The following EGFLAM variants were observed in gnomAD, a reference collection of about 807,000 sequenced individuals.
The protein encoded by EGFLAM is EGF like, fibronectin type III and laminin G domains.
In EGFLAM, 79 loss-of-function variants were observed where a neutral mutation model predicts 113.1. The ratio of observed to expected loss-of-function variants is 0.70; its 90% CI spans 0.58 to 0.84. The LOEUF is 0.84. Ranked by LOEUF, EGFLAM falls within the 40% of genes least tolerant of loss-of-function variation. EGFLAM has a pLI of 0.00. For missense variants in EGFLAM, 1,265 were observed against 1,291.6 expected (o/e 0.98, Z 0.32); for synonymous variants, 504 against 487.6 (o/e 1.03, Z -0.44).
intron 1 of EGFLAM, among the ~76,000 whole-genome samples, chr5:38,333,910 T>C (rs894163829): frequency 6.3e-5 from 9 of 143,658 alleles, no homozygotes. Context: ...ATTTTTATTG[T>C]TGAGGGTTTT....
intron 1 of EGFLAM, among the ~76,000 whole-genome samples, chr5:38,269,013 C>G (rs1757699379): frequency 6.6e-6 from 1 of 152,054 alleles, no homozygotes; most frequent in Admixed American, 6.5e-5. Flanking sequence ...CGCATCTCTA[C>G]TAAAATACAA....
At chr5:38,258,904 T>A in intron 1 of EGFLAM, 53 bp downstream of exon 1, 1 of 1,553,884 alleles carries the variant, frequency 6.4e-7, no homozygotes, top group Non-Finnish European at 8.7e-7. Context: ...CCTGCTGGGC[T>A]CCGGGGCGAG....
intron 17 of EGFLAM, among the ~76,000 whole-genome samples, chr5:38,447,807 A>G (rs1742766225): frequency 6.6e-6 from 1 of 152,148 alleles, no homozygotes; most frequent in Non-Finnish European, 1.5e-5. Context: ...AAGTGATCAG[A>G]AATGCGGGAG....
At chr5:38,378,455 C>T (rs1412301356) in intron 6 of EGFLAM, among the ~76,000 whole-genome samples, 2 of 152,150 alleles carry the variant, frequency 1.3e-5, no homozygotes, top group East Asian at 1.9e-4. Flanking sequence ...TCTTCTTTGG[C>T]GGCAATGCCC....
At chr5:38,266,588 G>A (rs1036194495) in intron 1 of EGFLAM, among the ~76,000 whole-genome samples, 1 of 152,106 alleles carries the variant, frequency 6.6e-6, no homozygotes, top group Admixed American at 6.5e-5. Flanking sequence ...TTTTCTATAG[G>A]TATTAAGGTA....
At chr5:38,439,721 A>G (rs1190189355) in intron 17 of EGFLAM, among the ~76,000 whole-genome samples, 4 of 152,232 alleles carry the variant, frequency 2.6e-5, no homozygotes, top group Non-Finnish European at 5.9e-5. Flanking sequence ...TATCCTGATT[A>G]GAATCCTAAC....
At chr5:38,447,329 C>G (rs1258547480) in intron 17 of EGFLAM, among the ~76,000 whole-genome samples, 2 of 152,200 alleles carry the variant, frequency 1.3e-5, no homozygotes, top group South Asian at 4.1e-4. Context: ...AGGCCTAGTG[C>G]TCTCTTAACT....
chr5:38,396,045 T>G (rs1554011177), intron 6 of EGFLAM, among the ~76,000 whole-genome samples: 2 of 112,646 alleles, frequency 1.8e-5, no homozygotes, highest in Non-Finnish European at 3.7e-5. Flanking sequence ...TGTGTTCACA[T>G]TCACTGTACC....
intron 6 of EGFLAM, among the ~76,000 whole-genome samples, chr5:38,370,917 G>C (rs1264676161): frequency 6.6e-6 from 1 of 152,220 alleles, no homozygotes; most frequent in African/African-American, 2.4e-5. Flanking sequence ...GAGTATCAAA[G>C]AAGTTGAGCG....
intron 1 of EGFLAM, among the ~76,000 whole-genome samples, chr5:38,298,524 G>C (rs1258714054): frequency 6.6e-6 from 1 of 152,100 alleles, no homozygotes; most frequent in Admixed American, 6.5e-5. Flanking sequence ...TTGGGGTTTT[G>C]AGATGGTATT....
rs12187044 is a variant in EGFLAM, at chr5:38,323,797, G to A, written c.98-13723G>A. On this transcript the variant is annotated intron_variant, in intron 1 of 21. Transcript: ENST00000322350. ...GGCACAGTGGCTCATGTCTGTAATC[G>A]TAGCACTTTGGGAGGCCAAGGTGGG... is the stretch of plus-strand genomic sequence containing the variant. Among the ~76,000 whole-genome samples the A allele has an allele frequency of 1.2e-4, 18 of 151,818 alleles. No homozygotes were observed. In the East Asian group the frequency reaches 3.1e-3, roughly 26 times the overall value.
chr5:38,436,946 C>T (rs989551599), intron 16 of EGFLAM, among the ~76,000 whole-genome samples: 2 of 152,200 alleles, frequency 1.3e-5, no homozygotes, highest in Admixed American at 6.5e-5. Flanking sequence ...AGCTTAGATT[C>T]GTGGCAGGAA....
intron 1 of EGFLAM, among the ~76,000 whole-genome samples, chr5:38,315,192 A>T (rs1005465783): frequency 6.6e-6 from 1 of 152,160 alleles, no homozygotes; most frequent in Non-Finnish European, 1.5e-5. Flanking sequence ...GTGACTTTGC[A>T]TATCTCAAAT....
intron 20 of EGFLAM, among the ~76,000 whole-genome samples, chr5:38,459,144 A>G (rs1743190669): frequency 6.6e-6 from 1 of 151,898 alleles, no homozygotes. Context: ...AGGCTCAGGC[A>G]GTCCTCCCAC....
chr5:38,314,865 A>G (rs953462985), intron 1 of EGFLAM, among the ~76,000 whole-genome samples: 2 of 152,224 alleles, frequency 1.3e-5, no homozygotes, highest in Non-Finnish European at 2.9e-5. Flanking sequence ...CATGCTCCAG[A>G]TAGAGGCTAT....
At chr5:38,433,133 T>G (rs1579924656) in intron 15 of EGFLAM, among the ~76,000 whole-genome samples, 1 of 152,166 alleles carries the variant, frequency 6.6e-6, no homozygotes, top group East Asian at 1.9e-4. Flanking sequence ...GCTGTCCATA[T>G]CATGTTCGAA....
At chr5:38,442,318 T>C (rs1742570919) in intron 17 of EGFLAM, among the ~76,000 whole-genome samples, 1 of 148,064 alleles carries the variant, frequency 6.8e-6, no homozygotes, top group African/African-American at 2.4e-5. Flanking sequence ...AATTTTTATA[T>C]TTAATATCAA....
At chr5:38,286,181 C>A (rs867790922) in intron 1 of EGFLAM, 2 of 152,002 alleles carry the variant, frequency 1.3e-5, no homozygotes, top group African/African-American at 4.8e-5. Context: ...AACAAGAACA[C>A]TTTTACTCCT....
intron 1 of EGFLAM, among the ~76,000 whole-genome samples, chr5:38,261,980 G>T (rs190391803): frequency 3.1e-4 from 47 of 152,284 alleles, no homozygotes; most frequent in African/African-American, 8.4e-4. Flanking sequence ...AGACCTTCAC[G>T]GTGTGGACAC....
Sources: gnomAD v4.1 joint callset for allele counts (sites outside exome capture counted in the v4.1 genomes callset) on GRCh38, gnomAD v4.1.1 for gene constraint, MANE v1.5 for transcripts, NCBI Gene and HGNC (gene_info 2026-07-23, HGNC 2026-07-21) for gene names.